PTPRN2: variants seen among roughly 807,000 people sequenced by gnomAD.
PTPRN2 encodes the protein receptor-type tyrosine-protein phosphatase N2.
A neutral mutation model predicts 118.8 loss-of-function variants in PTPRN2; 74 were observed. The observed-to-expected ratio is 0.62, with a 90% CI of 0.52 to 0.76. PTPRN2 has a LOEUF of 0.76. Among genes scored for constraint, PTPRN2 ranks in the 30% least tolerant of loss-of-function variants. PTPRN2 has a pLI of 0.00. For synonymous variants in PTPRN2, 641 were observed against 608.0 expected (o/e 1.05, Z -0.80); for missense variants, 1,481 against 1,394.4 (o/e 1.06, Z -0.99).
intron 11 of PTPRN2, among the ~76,000 whole-genome samples, chr7:158,009,661 G>A (rs576993493): frequency 6.6e-6 from 1 of 152,182 alleles, no homozygotes; most frequent in South Asian, 2.1e-4. Context: ...TTAAATTCTG[G>A]CCAAAAAGCA....
rs931710562 is a variant in PTPRN2, at chr7:157,989,993, G to A, written c.1724-91256C>T. On this transcript the variant is annotated intron_variant, in intron 11 of 22. Coordinates refer to ENST00000389418, the MANE Select transcript of PTPRN2 (RefSeq NM_002847.5). ...GGGCTGCCAAATGCAGAGCTGCTTC[G>A]TGTCCCTTCTTTGACAGTAAAAGTT... 5.3e-5 allele frequency among the ~76,000 whole-genome samples: 8 copies of A among 152,072 alleles called. No individual in the cohort carries two copies. The East Asian group carries it at 5.8e-4, about 11-fold the overall frequency.
chr7:158,198,295 C>T (rs759857682), intron 4 of PTPRN2, among the ~76,000 whole-genome samples: 1 of 152,222 alleles, frequency 6.6e-6, no homozygotes, highest in Non-Finnish European at 1.5e-5. Context: ...TAGCAATTAA[C>T]TTGCACATTG....
chr7:158,542,193 C>T (rs1377084019), intron 1 of PTPRN2, among the ~76,000 whole-genome samples: 3 of 152,240 alleles, frequency 2.0e-5, no homozygotes, highest in African/African-American at 7.2e-5. Flanking sequence ...CTCTGTCACC[C>T]AGCCTGGAGT....
intron 17 of PTPRN2, among the ~76,000 whole-genome samples, chr7:157,594,781 G>A (rs955217538): frequency 8.5e-5 from 13 of 152,196 alleles, no homozygotes; most frequent in Non-Finnish European, 5.9e-5. Flanking sequence ...TCACGTCTGT[G>A]CCTTCATCTG....
chr7:158,086,825 T>G (rs1480879190), intron 10 of PTPRN2, among the ~76,000 whole-genome samples: 2 of 151,928 alleles, frequency 1.3e-5, no homozygotes, highest in African/African-American at 4.9e-5. Flanking sequence ...AATCTGCGAA[T>G]GAACAGGATC....
chr7:157,935,600 T>G (rs1294993662), intron 11 of PTPRN2, among the ~76,000 whole-genome samples: 1 of 152,254 alleles, frequency 6.6e-6, no homozygotes, highest in Admixed American at 6.5e-5. Context: ...TTGATTTCAG[T>G]GTCTGTATCA....
chr7:157,704,564 G>A (rs1798235225), intron 12 of PTPRN2, among the ~76,000 whole-genome samples: 5 of 152,270 alleles, frequency 3.3e-5, no homozygotes, highest in South Asian at 4.2e-4. Flanking sequence ...TGCTGCTCCC[G>A]CTCTCCTGGG....
intron 12 of PTPRN2, among the ~76,000 whole-genome samples, chr7:157,888,145 C>G (rs1796593255): frequency 1.3e-5 from 2 of 151,916 alleles, no homozygotes; most frequent in Admixed American, 1.3e-4. Context: ...GTGTTACACC[C>G]CAGTCACTGC....
intron 6 of PTPRN2, among the ~76,000 whole-genome samples, chr7:158,146,727 A>C (rs1011123607): frequency 1.3e-5 from 2 of 151,506 alleles, no homozygotes; most frequent in African/African-American, 2.4e-5. Context: ...CCTCAAAAAA[A>C]AAAAAAAAGA....
chr7:158,235,998 C>A (rs1244383804), intron 3 of PTPRN2, among the ~76,000 whole-genome samples: 1 of 152,150 alleles, frequency 6.6e-6, no homozygotes, highest in East Asian at 1.9e-4. Context: ...CATTCTAGGA[C>A]ACGGAGACGT....
At position 158,208,417 on chromosome 7, in the gene PTPRN2, A is replaced by G. The variant is rs150051993; in HGVS notation, c.278-3144T>C. 2.1e-3 allele frequency among the ~76,000 whole-genome samples: 327 copies of G among 152,318 alleles called. 1 individual carries two copies. Among genetic ancestry groups the G allele is most frequent in the African/African-American group, 7.3e-3 (302 of 41,576 alleles). On this transcript the variant is annotated intron_variant, in intron 3 of 22. Transcript: ENST00000389418. Reference sequence around the variant, plus strand: ...AAAATCTGCAAAAGAAAATAAACAAACAAACAAAAATACAATGGAGCTGCA... The same window carrying G: ...AAAATCTGCAAAAGAAAATAAACAAGCAAACAAAAATACAATGGAGCTGCA...
chr7:157,558,001 C>A (rs1485371912), intron 21 of PTPRN2, among the ~76,000 whole-genome samples: 1 of 150,438 alleles, frequency 6.6e-6, no homozygotes, highest in Admixed American at 6.7e-5. Context: ...TGGACCATCC[C>A]ATAATACTGT....
At chr7:158,240,152 C>T (rs1193575893) in intron 3 of PTPRN2, among the ~76,000 whole-genome samples, 2 of 152,062 alleles carry the variant, frequency 1.3e-5, no homozygotes, top group Non-Finnish European at 2.9e-5. Flanking sequence ...TTAGGATGGC[C>T]ATTTTTATCT....
intron 14 of PTPRN2, among the ~76,000 whole-genome samples, chr7:157,628,363 CA>C (rs750823403): frequency 2.0e-4 from 30 of 152,248 alleles, no homozygotes; most frequent in Admixed American, 2.0e-4. Context: ...CAGAACACAA[CA>C]GTGTCTGTTA....
At chr7:158,135,156 A>G (rs984265805) in intron 8 of PTPRN2, among the ~76,000 whole-genome samples, 4 of 152,208 alleles carry the variant, frequency 2.6e-5, no homozygotes, top group African/African-American at 9.6e-5. Flanking sequence ...CTTCAATATT[A>G]TATTAGATGT....
chr7:158,002,935 T>C (rs1310951526), intron 11 of PTPRN2, among the ~76,000 whole-genome samples: 6 of 152,138 alleles, frequency 3.9e-5, no homozygotes, highest in Non-Finnish European at 7.4e-5. Flanking sequence ...GCCCTGGTCC[T>C]GGCCGGGGTT....
chr7:158,017,672 T>A (rs2128873460), intron 11 of PTPRN2, among the ~76,000 whole-genome samples: 1 of 152,144 alleles, frequency 6.6e-6, no homozygotes, highest in Middle Eastern at 3.4e-3. Flanking sequence ...AATGACTGAC[T>A]CCCCAGCAGC....
chr7:158,520,097 T>C (rs1208612565), intron 1 of PTPRN2, among the ~76,000 whole-genome samples: 1 of 152,230 alleles, frequency 6.6e-6, no homozygotes, highest in Non-Finnish European at 1.5e-5. Flanking sequence ...TCATTTCTTT[T>C]AACAAAACAA....
chr7:158,255,624 G>A (rs1283815627), intron 3 of PTPRN2, among the ~76,000 whole-genome samples: 1 of 152,098 alleles, frequency 6.6e-6, no homozygotes, highest in East Asian at 1.9e-4. Flanking sequence ...GTCCATTCAG[G>A]ATGCTTTGGA....
Sources: allele counts gnomAD v4.1 joint callset (sites outside exome capture counted in the v4.1 genomes callset), GRCh38; gene constraint gnomAD v4.1.1; transcripts MANE v1.5; gene names NCBI Gene and HGNC (gene_info 2026-07-23, HGNC 2026-07-21).